COL21A1: variants seen among roughly 807,000 people sequenced by gnomAD.
COL21A1 encodes the protein collagen type XXI alpha 1 chain.
A neutral mutation model predicts 137.9 loss-of-function variants in COL21A1; 149 were observed. That is an observed-to-expected ratio of 1.08 (90% CI 0.95 to 1.24). The LOEUF is 1.24. Ranked by LOEUF, COL21A1 falls within the 50% of genes most tolerant of loss-of-function variation. The probability of loss-of-function intolerance (pLI) is 0.00; values close to 1 mark genes in which losing one functional copy is unlikely to be tolerated. For missense variants in COL21A1, 1,167 were observed against 1,158.4 expected (o/e 1.01, Z -0.11); for synonymous variants, 456 against 391.5 (o/e 1.16, Z -1.95).
intron 1 of COL21A1, among the ~76,000 whole-genome samples, chr6:56,385,313 G>C (rs1158273837): frequency 6.6e-6 from 1 of 152,214 alleles, no homozygotes; most frequent in Non-Finnish European, 1.5e-5. Context: ...CTGTAAGTCA[G>C]AAGTCTGAAA....
intron 3 of COL21A1, among the ~76,000 whole-genome samples, chr6:56,176,450 T>C (rs1196758402): frequency 6.6e-6 from 1 of 151,214 alleles, no homozygotes; most frequent in Non-Finnish European, 1.5e-5. Flanking sequence ...AGGAATTTTA[T>C]TGAGGACTTA....
At chr6:56,267,884 G>A (rs1037715695) in intron 1 of COL21A1, among the ~76,000 whole-genome samples, 3 of 151,936 alleles carry the variant, frequency 2.0e-5, no homozygotes, top group Non-Finnish European at 4.4e-5. Context: ...CACTGAAAGA[G>A]ACCAAAATAT....
intron 9 of COL21A1, among the ~76,000 whole-genome samples, chr6:56,157,335 G>T (rs142047412): frequency 0.011 from 1,497 of 140,736 alleles, 18 homozygotes; most frequent in Non-Finnish European, 0.017. Context: ...TTTTGAGATG[G>T]AGTCTTGCTC....
intron 10 of COL21A1, among the ~76,000 whole-genome samples, chr6:56,146,296 A>G (rs1311756826): frequency 6.6e-6 from 1 of 152,162 alleles, no homozygotes; most frequent in Non-Finnish European, 1.5e-5. Flanking sequence ...TACACAGCCA[A>G]CGTAACTAGG....
At chr6:56,373,007 AG>A (rs1172955701) in intron 1 of COL21A1, among the ~76,000 whole-genome samples, 1 of 151,912 alleles carries the variant, frequency 6.6e-6, no homozygotes, top group African/African-American at 2.4e-5. Context: ...GGAGCTAGAA[AG>A]CAAAATAAAA....
At chr6:56,183,278 T>C (rs181587625) in intron 1 of COL21A1, among the ~76,000 whole-genome samples, 4 of 152,356 alleles carry the variant, frequency 2.6e-5, no homozygotes, top group East Asian at 3.9e-4. Flanking sequence ...CAAATTCATA[T>C]GCTTTTTAAG....
At position 56,101,461 on chromosome 6, in the gene COL21A1, A is replaced by G. The variant is rs148376061; in HGVS notation, c.1812+11T>C. 301 of 1,581,616 alleles carry G rather than the reference A, an allele frequency of 1.9e-4. No homozygotes were observed. The African/African-American group carries it at 3.5e-3, about 19-fold the overall frequency. On this transcript the variant is annotated intron_variant, in intron 17 of 29. Transcript: ENST00000244728. ...CTTCATCTTTTAGAACTGAAATGAGAAGGTACTCACAGGCTCTCCCCGTGT... is the reference window on the plus strand; with the variant it reads ...CTTCATCTTTTAGAACTGAAATGAGGAGGTACTCACAGGCTCTCCCCGTGT...
intron 1 of COL21A1, among the ~76,000 whole-genome samples, chr6:56,323,520 G>T (rs1764925575): frequency 6.6e-6 from 1 of 152,112 alleles, no homozygotes; most frequent in Non-Finnish European, 1.5e-5. Context: ...CTCCCTAGTA[G>T]CTGGGATTAC....
intron 17 of COL21A1, among the ~76,000 whole-genome samples, chr6:56,084,578 A>G (rs1428280255): frequency 7.9e-5 from 12 of 152,056 alleles, no homozygotes; most frequent in Admixed American, 7.9e-4. Flanking sequence ...AGTGATAAAT[A>G]ATGAACAAAA....
intron 1 of COL21A1, among the ~76,000 whole-genome samples, chr6:56,292,743 CT>C (rs773889731): frequency 2.2e-4 from 33 of 151,960 alleles, no homozygotes; most frequent in Non-Finnish European, 3.8e-4. Context: ...AACACATTCC[CT>C]GAGCCAGGGT....
intron 1 of COL21A1, among the ~76,000 whole-genome samples, chr6:56,262,112 C>T (rs1763294032): frequency 6.6e-6 from 1 of 152,180 alleles, no homozygotes; most frequent in South Asian, 2.1e-4. Context: ...AACCTGGTGT[C>T]TTTCTTATCC....
chr6:56,159,269 A>G (rs908131912), intron 9 of COL21A1, among the ~76,000 whole-genome samples: 2 of 152,022 alleles, frequency 1.3e-5, no homozygotes, highest in African/African-American at 4.8e-5. Flanking sequence ...GTGTTTTCTC[A>G]AAGTTTTCCC....
chr6:56,259,554 G>T (rs1384981378), intron 1 of COL21A1, among the ~76,000 whole-genome samples: 1 of 152,282 alleles, frequency 6.6e-6, no homozygotes, highest in South Asian at 2.1e-4. Flanking sequence ...CATTCTGTCT[G>T]CAAAAACATA....
chr6:56,361,053 C>T (rs1399362701), intron 1 of COL21A1, among the ~76,000 whole-genome samples: 1 of 152,204 alleles, frequency 6.6e-6, no homozygotes, highest in Non-Finnish European at 1.5e-5. Flanking sequence ...AAGATTGCGC[C>T]ACTGCACTCC....
intron 16 of COL21A1, among the ~76,000 whole-genome samples, chr6:56,104,936 T>C (rs1380904099): frequency 1.3e-5 from 2 of 152,202 alleles, no homozygotes; most frequent in African/African-American, 4.8e-5. Context: ...GGTTTACTGA[T>C]CATGAAAATA....
rs184121359 is a variant in COL21A1 at position 56,098,716 on chromosome 6, T to A, written c.1812+2756A>T. Among the ~76,000 whole-genome samples the A allele has an allele frequency of 3.8e-3, 396 of 105,440 alleles. 10 individuals are homozygous for A. Among genetic ancestry groups the A allele is most frequent in the African/African-American group, 0.015 (390 of 25,610 alleles). The allele number at this position is 105,440 out of a possible 152,430, so 69.2% of individuals were successfully genotyped here. On this transcript the variant is annotated intron_variant, in intron 17 of 29. Coordinates refer to ENST00000244728, the MANE Select transcript of COL21A1 (RefSeq NM_030820.4). ...ATATAAATATATATATAAATATATA[T>A]AAATATATATATATTTTGAGACGGG...
chr6:56,336,532 C>A (rs896551602), intron 1 of COL21A1, among the ~76,000 whole-genome samples: 2 of 151,966 alleles, frequency 1.3e-5, no homozygotes, highest in African/African-American at 2.4e-5. Context: ...TATAAGCCAG[C>A]CTTAGAGATT....
At chr6:56,307,263 C>T (rs896975440) in intron 1 of COL21A1, among the ~76,000 whole-genome samples, 2 of 152,176 alleles carry the variant, frequency 1.3e-5, no homozygotes, top group Non-Finnish European at 2.9e-5. Flanking sequence ...AAGACAGGGA[C>T]ATTTAAGTCT....
chr6:56,392,211 T>C (rs2094031038), intron 1 of COL21A1, among the ~76,000 whole-genome samples: 1 of 152,136 alleles, frequency 6.6e-6, no homozygotes, highest in African/African-American at 2.4e-5. Flanking sequence ...TCAATCAATG[T>C]GATATATCAT....
Sources: gnomAD v4.1 joint callset for allele counts (sites outside exome capture counted in the v4.1 genomes callset) on GRCh38, gnomAD v4.1.1 for gene constraint, MANE v1.5 for transcripts, NCBI Gene and HGNC (gene_info 2026-07-23, HGNC 2026-07-21) for gene names.